The following CSMD1 variants were observed in gnomAD, a reference collection of about 807,000 sequenced individuals.
The protein encoded by CSMD1 is CUB and sushi domain-containing protein 1.
A neutral mutation model predicts 417.5 loss-of-function variants in CSMD1; 213 were observed. The observed-to-expected ratio is 0.51, with a 90% confidence interval of 0.46 to 0.57. CSMD1 has a LOEUF of 0.57. Among genes scored for constraint, CSMD1 ranks in the 20% least tolerant of loss-of-function variants. CSMD1 has a pLI of 0.00. For missense variants in CSMD1, 6,923 were observed against 4,529.7 expected (o/e 1.53, Z -15.17); for synonymous variants, 2,862 against 1,736.8 (o/e 1.65, Z -16.11).
chr8:3,725,143 G>T (rs535651975), intron 6 of CSMD1, among the ~76,000 whole-genome samples: 41 of 152,298 alleles, frequency 2.7e-4, no homozygotes, highest in African/African-American at 9.4e-4. Flanking sequence ...CAGATAGATA[G>T]GAAAGGGACT....
intron 69 of CSMD1, among the ~76,000 whole-genome samples, chr8:2,940,335 C>G (rs1462813942): frequency 1.3e-5 from 2 of 152,164 alleles, no homozygotes; most frequent in African/African-American, 4.8e-5. Context: ...TCACAGTGGC[C>G]TCATAGCCGT....
At chr8:4,359,121 A>G (rs1801606451) in intron 3 of CSMD1, among the ~76,000 whole-genome samples, 1 of 152,196 alleles carries the variant, frequency 6.6e-6, no homozygotes, top group Non-Finnish European at 1.5e-5. Context: ...TAGGGTAGAA[A>G]TTTAGAAGGC....
At chr8:4,648,025 C>A (rs187428632) in intron 1 of CSMD1, among the ~76,000 whole-genome samples, 13 of 152,196 alleles carry the variant, frequency 8.5e-5, no homozygotes, top group Admixed American at 8.5e-4. Flanking sequence ...AATTTCCATT[C>A]CCACCAACAG....
intron 1 of CSMD1, among the ~76,000 whole-genome samples, chr8:4,706,240 C>T (rs1216326328): frequency 6.6e-6 from 1 of 151,658 alleles, no homozygotes; most frequent in Non-Finnish European, 1.5e-5. Context: ...GTTTGAAAGT[C>T]CCACAACATA....
rs373060357 is a variant in CSMD1 at position 3,764,836 on chromosome 8, G to T, written c.819-10794C>A. ...ATCTTGGCTCAGTGAAACCTCTGCT[G>T]CCTGGGTTCAAGGGATTCTCATGCC... On this transcript the variant is annotated intron_variant, in intron 5 of 69. Transcript: ENST00000635120. Among the ~76,000 whole-genome samples the T allele has an allele frequency of 4.7e-5, 7 of 149,618 alleles. No homozygotes were observed. In the South Asian group the frequency reaches 1.1e-3, roughly 23 times the overall value.
intron 2 of CSMD1, among the ~76,000 whole-genome samples, chr8:4,431,533 C>T (rs1048312515): frequency 2.6e-5 from 4 of 152,010 alleles, no homozygotes; most frequent in Admixed American, 6.6e-5. Context: ...TTATAACACC[C>T]GACCCTGATA....
intron 5 of CSMD1, among the ~76,000 whole-genome samples, chr8:3,783,315 A>C (rs1046503561): frequency 3.4e-4 from 52 of 152,354 alleles, no homozygotes; most frequent in African/African-American, 1.2e-3. Flanking sequence ...TGGGAAACAC[A>C]GTGCAGATGG....
intron 2 of CSMD1, among the ~76,000 whole-genome samples, chr8:4,465,096 C>G (rs932540545): frequency 6.6e-6 from 1 of 152,154 alleles, no homozygotes; most frequent in Non-Finnish European, 1.5e-5. Flanking sequence ...ACGGTTTTCA[C>G]TGGGAGACAC....
intron 2 of CSMD1, among the ~76,000 whole-genome samples, chr8:4,568,379 G>T (rs746188881): frequency 6.6e-6 from 1 of 151,956 alleles, no homozygotes; most frequent in South Asian, 2.1e-4. Flanking sequence ...GCGTTGTTTC[G>T]TTTTCTGTTT....
At chr8:3,792,105 G>T (rs1799781317) in intron 5 of CSMD1, among the ~76,000 whole-genome samples, 1 of 152,064 alleles carries the variant, frequency 6.6e-6, no homozygotes, top group African/African-American at 2.4e-5. Flanking sequence ...CTGAGCCTGG[G>T]CCAAATAGGG....
At chr8:4,625,719 A>G (rs1372362281) in intron 2 of CSMD1, among the ~76,000 whole-genome samples, 1 of 152,108 alleles carries the variant, frequency 6.6e-6, no homozygotes, top group Non-Finnish European at 1.5e-5. Flanking sequence ...TATTCAAGAC[A>G]GGCTTGGTGT....
intron 54 of CSMD1, among the ~76,000 whole-genome samples, chr8:2,995,678 A>G (rs1477981085): frequency 6.6e-6 from 1 of 152,186 alleles, no homozygotes. Flanking sequence ...TGGTGAAAAA[A>G]ACTGTTACAT....
intron 3 of CSMD1, among the ~76,000 whole-genome samples, chr8:4,345,663 C>G (rs549912788): frequency 6.6e-5 from 10 of 152,170 alleles, no homozygotes; most frequent in Admixed American, 3.3e-4. Flanking sequence ...CTGGAAGAGA[C>G]CTTTCTCAAG....
intron 30 of CSMD1, among the ~76,000 whole-genome samples, chr8:3,212,803 T>C (rs1334158558): frequency 6.6e-6 from 1 of 151,496 alleles, no homozygotes. Flanking sequence ...TATTTTGTTT[T>C]GCTTGTTTGA....
Position 3,903,943 on chromosome 8 carries a change from T to C in CSMD1, c.818+93960A>G, listed in dbSNP as rs527851119. On this transcript the variant is annotated intron_variant, in intron 5 of 69. Coordinates refer to ENST00000635120, the MANE Select transcript of CSMD1 (RefSeq NM_033225.6). ...GTACCTCTTTGGTTCACTATTTGTTTCTCATTTGGATTAAACCTGGAATAC... is the reference window on the plus strand; with the variant it reads ...GTACCTCTTTGGTTCACTATTTGTTCCTCATTTGGATTAAACCTGGAATAC... 2.4e-4 allele frequency among the ~76,000 whole-genome samples: 36 copies of C among 152,250 alleles called. 2 individuals are homozygous for C. The South Asian group carries it at 4.8e-3, about 20-fold the overall frequency.
chr8:3,719,224 C>G (rs150190616), intron 6 of CSMD1, among the ~76,000 whole-genome samples: 2 of 151,504 alleles, frequency 1.3e-5, no homozygotes, highest in Non-Finnish European at 2.9e-5. Flanking sequence ...AAAAGCCTTC[C>G]AAGGTGTTCA....
chr8:3,811,945 C>T (rs1457748511), intron 5 of CSMD1, among the ~76,000 whole-genome samples: 1 of 152,052 alleles, frequency 6.6e-6, no homozygotes, highest in Admixed American at 6.5e-5. Flanking sequence ...CCTGGAAAGG[C>T]TTTTGTTTGT....
At chr8:3,213,803 A>C (rs146979981) in intron 30 of CSMD1, among the ~76,000 whole-genome samples, 2 of 150,586 alleles carry the variant, frequency 1.3e-5, no homozygotes, top group African/African-American at 4.9e-5. Context: ...ATGAGACTCC[A>C]TCTCATATAT....
intron 53 of CSMD1, among the ~76,000 whole-genome samples, 156 bp from the exon 54 acceptor site, chr8:2,998,340 G>C (rs1259682602): frequency 6.6e-6 from 1 of 152,222 alleles, no homozygotes; most frequent in Admixed American, 6.5e-5. Flanking sequence ...ATTCAGAAGG[G>C]AATATTGGGA....
Sources: gnomAD v4.1 joint callset for allele counts (sites outside exome capture counted in the v4.1 genomes callset) on GRCh38, gnomAD v4.1.1 for gene constraint, MANE v1.5 for transcripts, NCBI Gene and HGNC (gene_info 2026-07-23, HGNC 2026-07-21) for gene names.